Variants in GRID1 observed in about 807,000 individuals in gnomAD.
The protein encoded by GRID1 is glutamate receptor ionotropic, delta-1.
A neutral mutation model predicts 98.0 loss-of-function variants in GRID1; 28 were observed. The observed-to-expected ratio is 0.29, with a 90% CI of 0.21 to 0.39. The LOEUF is 0.39. Among genes scored for constraint, GRID1 ranks in the 10% least tolerant of loss-of-function variants. GRID1 has a pLI of 1.00. For synonymous variants in GRID1, 553 were observed against 538.5 expected, an observed-to-expected ratio of 1.03 and a Z score of -0.37; for missense variants, 1,111 against 1,340.5, an observed-to-expected ratio of 0.83 and a Z score of 2.67.
intron 2 of GRID1, among the ~76,000 whole-genome samples, chr10:86,276,866 G>GAA (rs34416251): frequency 3.4e-5 from 5 of 148,142 alleles, no homozygotes; most frequent in African/African-American, 4.9e-5. Context: ...TCAAGTGCTG[G>GAA]AAAAAAAAAA....
chr10:86,009,228 G>A (rs1842898697), intron 4 of GRID1, among the ~76,000 whole-genome samples: 1 of 152,156 alleles, frequency 6.6e-6, no homozygotes, highest in African/African-American at 2.4e-5. Flanking sequence ...AGAAGCGTAA[G>A]TGTTTGTTGC....
chr10:86,255,938 C>G (rs934764557), intron 2 of GRID1, among the ~76,000 whole-genome samples: 1 of 152,214 alleles, frequency 6.6e-6, no homozygotes, highest in African/African-American at 2.4e-5. Context: ...CGGCCTCCCC[C>G]ATGGTGTGCA....
intron 2 of GRID1, among the ~76,000 whole-genome samples, chr10:86,316,954 C>T (rs939606081): frequency 2.0e-5 from 3 of 152,246 alleles, no homozygotes; most frequent in Non-Finnish European, 2.9e-5. Context: ...AGCCCCTTCC[C>T]CAAGAGATTC....
intron 8 of GRID1, among the ~76,000 whole-genome samples, chr10:85,773,585 A>C (rs1325833772): frequency 2.0e-5 from 3 of 152,344 alleles, no homozygotes; most frequent in Non-Finnish European, 4.4e-5. Flanking sequence ...CCATTGTCTC[A>C]GCCCAAAATC....
chr10:85,711,250 TA>T (rs1243786405), intron 12 of GRID1, among the ~76,000 whole-genome samples: 1 of 151,926 alleles, frequency 6.6e-6, no homozygotes, highest in Non-Finnish European at 1.5e-5. Flanking sequence ...GATGAATGGA[TA>T]AATAAAATAT....
chr10:85,937,782 G>A (rs906832940), intron 4 of GRID1, among the ~76,000 whole-genome samples: 1 of 150,928 alleles, frequency 6.6e-6, no homozygotes, highest in Non-Finnish European at 1.5e-5. Flanking sequence ...CAAATGGGTA[G>A]AGGTCAGGAA....
intron 4 of GRID1, among the ~76,000 whole-genome samples, chr10:86,087,007 G>A (rs1844069352): frequency 6.6e-6 from 1 of 152,188 alleles, no homozygotes; most frequent in Admixed American, 6.5e-5. Flanking sequence ...TCTTGCCTGT[G>A]TATGTCAAAG....
At chr10:86,076,552 G>A (rs1372361209) in intron 4 of GRID1, among the ~76,000 whole-genome samples, 1 of 152,210 alleles carries the variant, frequency 6.6e-6, no homozygotes, top group African/African-American at 2.4e-5. Context: ...GATGGCGGAA[G>A]CTGGCAAGTC....
At chr10:85,753,621 T>G (rs2132689147) in intron 8 of GRID1, among the ~76,000 whole-genome samples, 1 of 152,344 alleles carries the variant, frequency 6.6e-6, no homozygotes, top group East Asian at 1.9e-4. Context: ...TTACTATAAC[T>G]TCAGTTGTGG....
chr10:85,671,758 C>A (rs1590183758), intron 12 of GRID1, among the ~76,000 whole-genome samples: 2 of 152,102 alleles, frequency 1.3e-5, no homozygotes, highest in East Asian at 3.8e-4. Context: ...GTTGTGAATG[C>A]AAAGGAAAAG....
chr10:85,954,928 T>C (rs1171196294), intron 4 of GRID1, among the ~76,000 whole-genome samples: 1 of 152,246 alleles, frequency 6.6e-6, no homozygotes, highest in African/African-American at 2.4e-5. Flanking sequence ...TGCAGACACT[T>C]GTTGAACTTG....
At chr10:85,691,782 C>T (rs1197134969) in intron 12 of GRID1, among the ~76,000 whole-genome samples, 1 of 152,184 alleles carries the variant, frequency 6.6e-6, no homozygotes, top group Non-Finnish European at 1.5e-5. Context: ...TGCATGGCCC[C>T]AAATGTGCCA....
chr10:85,902,543 T>C (rs1308850683), intron 5 of GRID1, among the ~76,000 whole-genome samples: 3 of 152,246 alleles, frequency 2.0e-5, no homozygotes, highest in African/African-American at 7.2e-5. Context: ...TTACTGTTTC[T>C]AAGTTATGAA....
intron 12 of GRID1, among the ~76,000 whole-genome samples, chr10:85,702,291 A>G (rs2132623930): frequency 6.6e-6 from 1 of 152,228 alleles, no homozygotes; most frequent in East Asian, 1.9e-4. Context: ...TAGAACTTAT[A>G]TAGTCATTAA....
intron 4 of GRID1, among the ~76,000 whole-genome samples, chr10:86,102,792 G>A (rs904915394): frequency 6.6e-6 from 1 of 152,116 alleles, no homozygotes; most frequent in Non-Finnish European, 1.5e-5. Context: ...TGGTTTGGCT[G>A]TGTCTCCACC....
intron 8 of GRID1, among the ~76,000 whole-genome samples, chr10:85,849,457 C>T (rs1843037666): frequency 6.6e-6 from 1 of 152,116 alleles, no homozygotes; most frequent in Non-Finnish European, 1.5e-5. Flanking sequence ...CTTCCATTTC[C>T]CTGGGAAATC....
intron 2 of GRID1, among the ~76,000 whole-genome samples, chr10:86,253,524 A>C (rs1325609211): frequency 6.6e-6 from 1 of 152,184 alleles, no homozygotes; most frequent in Non-Finnish European, 1.5e-5. Flanking sequence ...ACAGAGCTGT[A>C]CATTGCCGCT....
chr10:85,842,869 T>G (rs2131772582), intron 8 of GRID1, among the ~76,000 whole-genome samples: 1 of 152,174 alleles, frequency 6.6e-6, no homozygotes, highest in Non-Finnish European at 1.5e-5. Flanking sequence ...GAAAAACAAG[T>G]GTGTTCCTAC....
intron 4 of GRID1, among the ~76,000 whole-genome samples, chr10:85,966,802 A>T (rs1328884600): frequency 2.0e-5 from 3 of 150,838 alleles, no homozygotes; most frequent in Non-Finnish European, 4.5e-5. Context: ...TGACAGAGTG[A>T]GACTCCACCT....
Sources: gnomAD v4.1 joint callset for allele counts (sites outside exome capture counted in the v4.1 genomes callset) on GRCh38, gnomAD v4.1.1 for gene constraint, MANE v1.5 for transcripts, NCBI Gene and HGNC (gene_info 2026-07-23, HGNC 2026-07-21) for gene names.